Variants in RASEF observed in about 807,000 individuals in gnomAD.
RASEF encodes the protein RAS and EF-hand domain containing, also known as ras and EF-hand domain-containing protein.
Under a neutral mutation model 90.1 loss-of-function variants are expected in RASEF, and 68 were observed. The observed-to-expected ratio is 0.75, with a 90% CI of 0.62 to 0.92. The LOEUF (loss-of-function observed/expected upper bound fraction) is 0.92. Among genes scored for constraint, RASEF ranks in the 40% least tolerant of loss-of-function variants. The pLI is 0.00. For synonymous variants in RASEF, 331 were observed against 345.2 expected (o/e 0.96, Z 0.46); for missense variants, 949 against 937.2 (o/e 1.01, Z -0.16).
At chr9:83,039,599 G>C (rs1224477226) in intron 1 of RASEF, among the ~76,000 whole-genome samples, 3 of 152,160 alleles carry the variant, frequency 2.0e-5, no homozygotes, top group African/African-American at 4.8e-5. Context: ...AAGATAAAAA[G>C]GGTCTCTCCT....
intron 14 of RASEF, 97 bp downstream of exon 14, chr9:82,996,915 A>G (rs1265300348): frequency 9.7e-6 from 7 of 719,616 alleles, no homozygotes; most frequent in Non-Finnish European, 1.7e-5. Flanking sequence ...AATGGTTCCT[A>G]ATCAAGTTCA....
At chr9:83,146,163 G>A in the RASEF span, among the ~76,000 whole-genome samples, 2 of 151,056 alleles carry the variant, frequency 1.3e-5, no homozygotes, top group Admixed American at 1.3e-4. Context: ...AAAGCAAGAA[G>A]TTTGTTTTTC....
chr9:83,187,965 G>A, the RASEF span, among the ~76,000 whole-genome samples: 1 of 152,190 alleles, frequency 6.6e-6, no homozygotes, highest in African/African-American at 2.4e-5. Flanking sequence ...GCAAGACGGG[G>A]GTGGAGAAAG....
At chr9:83,107,560 C>G in the RASEF span, among the ~76,000 whole-genome samples, 10,234 of 152,126 alleles carry the variant, frequency 0.067, 359 homozygotes, top group South Asian at 0.096. Context: ...GGTTTTTGAC[C>G]TATCGCTCTC....
the RASEF span, among the ~76,000 whole-genome samples, chr9:83,169,285 CTA>C: frequency 6.6e-6 from 1 of 151,414 alleles, no homozygotes; most frequent in African/African-American, 2.4e-5. Flanking sequence ...TATATCTTGA[CTA>C]TTGTGAATAG....
chr9:83,174,906 T>C, the RASEF span, among the ~76,000 whole-genome samples: 1 of 152,150 alleles, frequency 6.6e-6, no homozygotes, highest in Admixed American at 6.5e-5. Flanking sequence ...TTTCTTAATT[T>C]CATTTTTAGG....
chr9:83,215,661 C>G, the RASEF span, among the ~76,000 whole-genome samples: 1 of 152,148 alleles, frequency 6.6e-6, no homozygotes, highest in African/African-American at 2.4e-5. Context: ...CGGACTAATA[C>G]AGTAAATTGA....
At chr9:83,121,556 T>C in the RASEF span, among the ~76,000 whole-genome samples, 5 of 152,194 alleles carry the variant, frequency 3.3e-5, no homozygotes, top group Non-Finnish European at 5.9e-5. Flanking sequence ...TTTATTTACA[T>C]ATTGTCTATG....
intron 3 of RASEF, among the ~76,000 whole-genome samples, chr9:83,017,224 G>A (rs1408178325): frequency 6.6e-6 from 1 of 151,564 alleles, no homozygotes; most frequent in African/African-American, 2.4e-5. Flanking sequence ...GGTGGCTCAT[G>A]ACTGTAATCC....
chr9:83,049,092 C>T (rs1162499870), intron 1 of RASEF, among the ~76,000 whole-genome samples: 8 of 150,506 alleles, frequency 5.3e-5, no homozygotes, highest in Non-Finnish European at 1.2e-4. Flanking sequence ...CCACTGCACT[C>T]CAGCCAGGGT....
the RASEF span, among the ~76,000 whole-genome samples, chr9:83,116,721 C>T: frequency 6.6e-6 from 1 of 152,130 alleles, no homozygotes; most frequent in African/African-American, 2.4e-5. Context: ...TTCTCAAATT[C>T]AAATAATGAA....
upstream of RASEF, among the ~76,000 whole-genome samples, chr9:83,063,803 T>C (rs541163980): frequency 1.3e-5 from 2 of 152,214 alleles, no homozygotes; most frequent in Non-Finnish European, 2.9e-5. Flanking sequence ...CCTTTGGTTT[T>C]AAACACTTTT....
chr9:83,013,193 A>G (rs1046312834), intron 4 of RASEF, among the ~76,000 whole-genome samples: 21 of 152,180 alleles, frequency 1.4e-4, no homozygotes, highest in African/African-American at 4.6e-4. Flanking sequence ...ACACATTTAT[A>G]ACCTGGAGAA....
intron 1 of RASEF, among the ~76,000 whole-genome samples, chr9:83,034,920 T>C (rs938962680): frequency 6.6e-6 from 1 of 152,164 alleles, no homozygotes; most frequent in African/African-American, 2.4e-5. Flanking sequence ...AATCAGTAAG[T>C]GCCAGCCACT....
At chr9:83,030,718 G>A (rs1300430508) in intron 1 of RASEF, among the ~76,000 whole-genome samples, 1 of 152,174 alleles carries the variant, frequency 6.6e-6, no homozygotes, top group Admixed American at 6.5e-5. Context: ...CAGAACCCTT[G>A]GCTGGTAGGT....
intron 1 of RASEF, among the ~76,000 whole-genome samples, chr9:83,031,013 T>C (rs1173198401): frequency 6.6e-6 from 1 of 152,180 alleles, no homozygotes; most frequent in Admixed American, 6.5e-5. Flanking sequence ...TAGAATGTGC[T>C]TGGATCCCTG....
chr9:83,084,656 T>C, the RASEF span, among the ~76,000 whole-genome samples: 24 of 152,184 alleles, frequency 1.6e-4, 1 homozygote, highest in Admixed American at 1.3e-3. Flanking sequence ...CCTTTTCCTT[T>C]TTCCCACCCG....
chr9:83,209,223 CT>C, the RASEF span, among the ~76,000 whole-genome samples: 3 of 152,210 alleles, frequency 2.0e-5, no homozygotes, highest in Admixed American at 6.5e-5. Flanking sequence ...GTGGGGTTCA[CT>C]TGGATGTCTT....
the RASEF span, among the ~76,000 whole-genome samples, chr9:83,111,545 T>C: frequency 2.0e-5 from 3 of 152,210 alleles, no homozygotes; most frequent in Non-Finnish European, 2.9e-5. Flanking sequence ...AACATGTTTA[T>C]GAGCTTGATT....
Sources: allele counts gnomAD v4.1 joint callset (sites outside exome capture counted in the v4.1 genomes callset), GRCh38; gene constraint gnomAD v4.1.1; transcripts MANE v1.5; gene names NCBI Gene and HGNC (gene_info 2026-07-23, HGNC 2026-07-21).